Variants in ENTREP2 observed in about 807,000 individuals in gnomAD.
ENTREP2 encodes endosomal transmembrane epsin interactor 2, also known as protein ENTREP2.
At chr15:29,530,449 C>T in the ENTREP2 span, among the ~76,000 whole-genome samples, 4 of 152,160 alleles carry the variant, frequency 2.6e-5, no homozygotes, top group Non-Finnish European at 5.9e-5. Flanking sequence ...CACTTTTAAC[C>T]TCCAGGAGTT....
chr15:29,234,346 A>G, the ENTREP2 span: 6 of 1,592,212 alleles, frequency 3.8e-6, no homozygotes, highest in Admixed American at 8.3e-5. Context: ...TCTCTTGACC[A>G]TCTTCACTGT....
At chr15:29,271,829 G>A in the ENTREP2 span, among the ~76,000 whole-genome samples, 2 of 152,156 alleles carry the variant, frequency 1.3e-5, no homozygotes, top group Admixed American at 1.3e-4. Flanking sequence ...GCAACTCGGT[G>A]TCTGAGAGAT....
At chr15:29,323,290 T>C in the ENTREP2 span, among the ~76,000 whole-genome samples, 2 of 152,086 alleles carry the variant, frequency 1.3e-5, no homozygotes, top group Admixed American at 1.3e-4. Flanking sequence ...GCTAAGTTGA[T>C]CACCAATAGC....
At chr15:29,326,884 A>C in the ENTREP2 span, among the ~76,000 whole-genome samples, 7 of 152,182 alleles carry the variant, frequency 4.6e-5, no homozygotes, top group African/African-American at 1.7e-4. Flanking sequence ...AATTTAATGG[A>C]ATTGAGAACC....
the ENTREP2 span, among the ~76,000 whole-genome samples, chr15:29,413,143 C>T: frequency 3.3e-5 from 5 of 152,024 alleles, no homozygotes; most frequent in Non-Finnish European, 1.5e-5. Context: ...CCTTGATATT[C>T]ATTCTTTGAA....
the ENTREP2 span, chr15:29,233,640 T>A: frequency 4.8e-6 from 4 of 835,400 alleles, no homozygotes; most frequent in Non-Finnish European, 8.1e-6. Flanking sequence ...GAGAGCTTAG[T>A]TTATGCACTG....
At chr15:29,410,084 T>C in the ENTREP2 span, among the ~76,000 whole-genome samples, 1 of 152,196 alleles carries the variant, frequency 6.6e-6, no homozygotes, top group African/African-American at 2.4e-5. Flanking sequence ...GTGCCTGCCC[T>C]CTGCTTTATC....
At chr15:29,431,513 T>C in the ENTREP2 span, among the ~76,000 whole-genome samples, 1 of 152,066 alleles carries the variant, frequency 6.6e-6, no homozygotes, top group Non-Finnish European at 1.5e-5. Flanking sequence ...TTTACAGACA[T>C]GCTTTTAGCA....
chr15:29,303,405 G>C, the ENTREP2 span, among the ~76,000 whole-genome samples: 1 of 152,066 alleles, frequency 6.6e-6, no homozygotes, highest in Non-Finnish European at 1.5e-5. Flanking sequence ...ATTTCAGACA[G>C]ATAGCCCATG....
At chr15:29,162,686 G>A in the ENTREP2 span, among the ~76,000 whole-genome samples, 6 of 152,026 alleles carry the variant, frequency 3.9e-5, 1 homozygote, top group South Asian at 8.3e-4. Flanking sequence ...GCTCAGATAC[G>A]CCTGGCCCCA....
chr15:29,345,891 A>AT, the ENTREP2 span, among the ~76,000 whole-genome samples: 1 of 152,208 alleles, frequency 6.6e-6, no homozygotes, highest in Non-Finnish European at 1.5e-5. Context: ...GATGATGATG[A>AT]TCGCAGCGGA....
chr15:29,462,534 C>G, the ENTREP2 span, among the ~76,000 whole-genome samples: 1 of 152,022 alleles, frequency 6.6e-6, no homozygotes, highest in Non-Finnish European at 1.5e-5. Context: ...CACTTGAACC[C>G]AGGAGGTGGA....
At chr15:29,670,838 T>A in the ENTREP2 span, among the ~76,000 whole-genome samples, 1 of 152,178 alleles carries the variant, frequency 6.6e-6, no homozygotes, top group Non-Finnish European at 1.5e-5. Context: ...TTGGTCCTTG[T>A]CTCTGTTCCT....
At chr15:29,653,474 G>A in the ENTREP2 span, among the ~76,000 whole-genome samples, 1 of 152,158 alleles carries the variant, frequency 6.6e-6, no homozygotes, top group African/African-American at 2.4e-5. Flanking sequence ...TCAAGGGAGA[G>A]ACCAGGTGGA....
the ENTREP2 span, chr15:29,136,902 T>C: frequency 2.4e-6 from 2 of 827,336 alleles, no homozygotes; most frequent in East Asian, 3.3e-5. Context: ...GCTGTATGTC[T>C]AAGACCCTCT....
chr15:29,463,866 T>C, the ENTREP2 span, among the ~76,000 whole-genome samples: 1 of 152,164 alleles, frequency 6.6e-6, no homozygotes, highest in African/African-American at 2.4e-5. Flanking sequence ...CATGGAATAT[T>C]ATTTTGCTAC....
the ENTREP2 span, among the ~76,000 whole-genome samples, chr15:29,322,994 T>C: frequency 3.9e-5 from 6 of 152,190 alleles, no homozygotes; most frequent in Non-Finnish European, 8.8e-5. Flanking sequence ...TTATAGCATA[T>C]GGATAAATGC....
At chr15:29,285,301 C>A in the ENTREP2 span, among the ~76,000 whole-genome samples, 1 of 152,308 alleles carries the variant, frequency 6.6e-6, no homozygotes, top group South Asian at 2.1e-4. Context: ...CATGTCAGTA[C>A]CAGCCTGGCA....
At chr15:29,667,429 C>G in the ENTREP2 span, among the ~76,000 whole-genome samples, 1 of 149,886 alleles carries the variant, frequency 6.7e-6, no homozygotes, top group Non-Finnish European at 1.5e-5. Flanking sequence ...ACCTCATGAT[C>G]TGCCCATCTT....
Sources: allele counts gnomAD v4.1 joint callset (sites outside exome capture counted in the v4.1 genomes callset), GRCh38; gene constraint gnomAD v4.1.1; transcripts MANE v1.5; gene names NCBI Gene and HGNC (gene_info 2026-07-23, HGNC 2026-07-21).